The following CTDSP2 variants were observed in gnomAD, a reference collection of about 807,000 sequenced individuals.
CTDSP2 encodes CTD small phosphatase 2.
In CTDSP2, 9 loss-of-function variants were observed where a neutral mutation model predicts 31.6. That is an observed-to-expected ratio of 0.28 (90% confidence interval 0.17 to 0.50). The LOEUF is 0.50. CTDSP2 is among the 20% of genes least tolerant of loss of function. CTDSP2 has a pLI of 0.98. For synonymous variants in CTDSP2, 134 were observed against 134.5 expected (o/e 1.00, Z 0.03); for missense variants, 267 against 348.5 (o/e 0.77, Z 1.86).
chr12:57,824,048 C>T lies in CTDSP2; in HGVS notation c.546G>A (p.Val182=), dbSNP rs1435723463. 1.2e-6 allele frequency: 2 copies of T among 1,614,078 alleles called. No individual in the cohort carries two copies. Among genetic ancestry groups the T allele is most frequent in the Admixed American group, 1.7e-5 (1 of 60,008 alleles). Reference sequence around the variant, plus strand: ...ACTCACGGAATAGGCGGGCCCGGAACACCCCACACCGGTCCAGCAGGTCTG... The same window carrying T: ...ACTCACGGAATAGGCGGGCCCGGAATACCCCACACCGGTCCAGCAGGTCTG... The part of the protein sequence containing the change: ...PVTDLLDRCG[V]FRARLFRESC... The change falls in exon 7 of 8, where the codon GTG becomes GTA. Residue 182 remains valine, a synonymous_variant. Coordinates refer to ENST00000398073, the MANE Select transcript of CTDSP2 (RefSeq NM_005730.4).
At chr12:57,824,844 G>C (rs1230903018) in intron 5 of CTDSP2, among the ~76,000 whole-genome samples, 1 of 152,012 alleles carries the variant, frequency 6.6e-6, no homozygotes, top group African/African-American at 2.4e-5. Context: ...ACCCGATCTT[G>C]TGCTTGCTTC....
At chr12:57,845,201 C>A (rs1956306916) in intron 1 of CTDSP2, among the ~76,000 whole-genome samples, 1 of 151,858 alleles carries the variant, frequency 6.6e-6, no homozygotes, top group Non-Finnish European at 1.5e-5. Context: ...GAGCCAGCTC[C>A]CGCCCCAGCC....
chr12:57,839,357 A>T (rs1956267068), intron 1 of CTDSP2, among the ~76,000 whole-genome samples: 1 of 152,210 alleles, frequency 6.6e-6, no homozygotes. Flanking sequence ...TTTCCCCTGC[A>T]TGGTCCCTTA....
intron 5 of CTDSP2, among the ~76,000 whole-genome samples, chr12:57,825,687 C>T (rs568298803): frequency 1.3e-5 from 2 of 152,354 alleles, no homozygotes; most frequent in Non-Finnish European, 2.9e-5. Context: ...GCCTGGGCTG[C>T]AGGCTGGAGC....
At chr12:57,837,370 C>A (rs1001713244) in intron 1 of CTDSP2, among the ~76,000 whole-genome samples, 2 of 152,168 alleles carry the variant, frequency 1.3e-5, no homozygotes, top group African/African-American at 4.8e-5. Context: ...CAGCTTAGCA[C>A]CGGCTCCCGA....
At chr12:57,829,392 G>A in intron 2 of CTDSP2, 56 bp downstream of exon 2, 2 of 1,578,278 alleles carry the variant, frequency 1.3e-6, no homozygotes, top group South Asian at 2.2e-5. Context: ...CGTCTGCAGG[G>A]ATCTCCCATT....
chr12:57,827,496 T>C (rs370849570), intron 3 of CTDSP2, 56 bp downstream of exon 3: 51 of 1,575,832 alleles, frequency 3.2e-5, no homozygotes, highest in Non-Finnish European at 4.3e-5. Flanking sequence ...CCCGTGGAGC[T>C]GGCAGGGATC....
In CTDSP2 at chr12:57,829,451, A is replaced by G. The variant is rs1207952816; in HGVS notation, c.210T>C (p.Ala70=). The change falls in exon 2 of 8, where the codon GCT becomes GCC. Residue 70 remains alanine (A), a synonymous_variant. Transcript: ENST00000398073. ...AAYKEEANTI[A]KSDLLQCLQY... ...CTTACCACCCCAACCCACCTACCTTAGCAATGGTGTTTGCTTCCTCCTTAT... is the reference window on the plus strand; with the variant it reads ...CTTACCACCCCAACCCACCTACCTTGGCAATGGTGTTTGCTTCCTCCTTAT... 2 of 1,613,768 alleles carry G rather than the reference A, an allele frequency of 1.2e-6. No homozygotes were observed. Among genetic ancestry groups the G allele is most frequent in the South Asian group, 1.1e-5 (1 of 91,076 alleles).
intron 1 of CTDSP2, among the ~76,000 whole-genome samples, chr12:57,835,322 C>A (rs1956241169): frequency 6.7e-6 from 1 of 150,280 alleles, no homozygotes; most frequent in South Asian, 2.1e-4. Flanking sequence ...GAGCGAAAAT[C>A]CGTCTCAAAA....
At chr12:57,828,692 C>T (rs890929335) in intron 2 of CTDSP2, among the ~76,000 whole-genome samples, 7 of 152,224 alleles carry the variant, frequency 4.6e-5, no homozygotes, top group Admixed American at 1.3e-4. Flanking sequence ...ACCATTTCCC[C>T]TACTGCAAAA....
intron 2 of CTDSP2, among the ~76,000 whole-genome samples, chr12:57,827,880 C>T (rs1956192892): frequency 6.6e-6 from 1 of 152,208 alleles, no homozygotes; most frequent in South Asian, 2.1e-4. Flanking sequence ...ACTCAAGTAA[C>T]TGATTCAGGG....
At chr12:57,839,030 A>C (rs1374175539) in intron 1 of CTDSP2, among the ~76,000 whole-genome samples, 2 of 152,208 alleles carry the variant, frequency 1.3e-5, no homozygotes, top group African/African-American at 4.8e-5. Context: ...CACAAAAACG[A>C]ATCAGTCGCA....
At chr12:57,840,257 A>T (rs1956274483) in intron 1 of CTDSP2, among the ~76,000 whole-genome samples, 1 of 151,944 alleles carries the variant, frequency 6.6e-6, no homozygotes. Context: ...GTCACAGGAG[A>T]CTCTGATGTG....
chr12:57,823,814 C>G, intron 7 of CTDSP2, 87 bp from the exon 8 acceptor site: 1 of 1,608,768 alleles, frequency 6.2e-7, no homozygotes, highest in South Asian at 1.1e-5. Flanking sequence ...CTGGGTCTTC[C>G]TGGAGGGGTG....
rs539322004 is a variant in CTDSP2, at chr12:57,834,568, T to C, written c.65-4972A>G. Among the ~76,000 whole-genome samples the C allele has an allele frequency of 1.5e-4, 23 of 152,316 alleles. No individual in the cohort carries two copies. The East Asian group carries it at 1.9e-3, about 13-fold the overall frequency. ...GAAGGAGGGGTTGGAGCCAGGAGCT[T>C]TGGTCCAAGACCTGCATTGTTCCTT... is the stretch of plus-strand genomic sequence containing the variant. On this transcript the variant is annotated intron_variant, in intron 1 of 7. Transcript: ENST00000398073.
chr12:57,835,820 C>T (rs920608268), intron 1 of CTDSP2, among the ~76,000 whole-genome samples: 1 of 152,116 alleles, frequency 6.6e-6, no homozygotes, highest in Admixed American at 6.6e-5. Flanking sequence ...GGAGTATGCC[C>T]CCACTGAGGA....
chr12:57,832,643 G>T (rs1301818394), intron 1 of CTDSP2, among the ~76,000 whole-genome samples: 2 of 151,492 alleles, frequency 1.3e-5, no homozygotes, highest in Admixed American at 6.6e-5. Context: ...AATACAAAAA[G>T]TAGCCGGGCG....
intron 1 of CTDSP2, among the ~76,000 whole-genome samples, chr12:57,835,650 A>C (rs1398602423): frequency 6.6e-6 from 1 of 152,206 alleles, no homozygotes; most frequent in East Asian, 1.9e-4. Flanking sequence ...GTTTGGGGCT[A>C]GATGTCTGAG....
At chr12:57,844,452 T>A (rs1018674362) in intron 1 of CTDSP2, among the ~76,000 whole-genome samples, 2 of 152,140 alleles carry the variant, frequency 1.3e-5, no homozygotes, top group African/African-American at 4.8e-5. Flanking sequence ...GGCCCCACGA[T>A]GCCCAAGGCA....
Sources: allele counts gnomAD v4.1 joint callset (sites outside exome capture counted in the v4.1 genomes callset), GRCh38; gene constraint gnomAD v4.1.1; transcripts MANE v1.5; gene names NCBI Gene and HGNC (gene_info 2026-07-23, HGNC 2026-07-21).